Variants in PPFIBP2 observed in about 807,000 individuals in gnomAD.
PPFIBP2 encodes the protein liprin-beta-2.
PPFIBP2 carries 118 observed loss-of-function variants against 118.3 expected under a neutral mutation model. That is an observed-to-expected ratio of 1.00 (90% confidence interval 0.86 to 1.16). The LOEUF is 1.16. Ranked by LOEUF, PPFIBP2 falls within the 50% of genes most tolerant of loss-of-function variation. The pLI, the probability that PPFIBP2 is intolerant of heterozygous loss-of-function variation, is 0.00. For synonymous variants in PPFIBP2, 414 were observed against 397.4 expected (o/e 1.04, Z -0.50); for missense variants, 1,195 against 1,073.1 (o/e 1.11, Z -1.59).
chr11:7,586,695 C>T (rs990149573), intron 3 of PPFIBP2, among the ~76,000 whole-genome samples: 7 of 152,178 alleles, frequency 4.6e-5, no homozygotes, highest in African/African-American at 1.4e-4. Flanking sequence ...CCTCTTTCTG[C>T]AGAGAAGGTG....
chr11:7,589,489 A>G (rs1242033826), intron 3 of PPFIBP2, among the ~76,000 whole-genome samples: 2 of 151,944 alleles, frequency 1.3e-5, no homozygotes, highest in Non-Finnish European at 2.9e-5. Context: ...GCTACTCAAG[A>G]GGCTGAGGCA....
chr11:7,565,614 C>T lies in PPFIBP2; in HGVS notation c.126C>T (p.Ala42=), dbSNP rs775429140. 6.6e-5 allele frequency: 106 copies of T among 1,614,108 alleles called. 1 individual carries two copies. In the East Asian group the frequency reaches 2.3e-3, roughly 36 times the overall value. The change falls in exon 3 of 24, where the codon GCC becomes GCT. Residue 42 remains alanine, a synonymous_variant. Transcript: ENST00000299492. ...GTCEPGLASP[A]SYMNPFPVLH... is the part of the protein sequence containing the mutation. ...GTGAGCCTGGACTGGCTTCCCCGGC[C>T]TCCTACATGAACCCCTTCCCGGTGC... is the stretch of plus-strand genomic sequence containing the variant.
intron 2 of PPFIBP2, among the ~76,000 whole-genome samples, chr11:7,549,833 T>C (rs1852766132): frequency 6.6e-6 from 1 of 152,176 alleles, no homozygotes; most frequent in African/African-American, 2.4e-5. Flanking sequence ...TCAGTGAGAC[T>C]GATTCTAATG....
In PPFIBP2 at chr11:7,646,691, C is replaced by T. The variant is rs1051719738; in HGVS notation, c.1647-1696C>T. Among the ~76,000 whole-genome samples, 3 of 152,184 alleles carry T rather than the reference C, an allele frequency of 2.0e-5. No homozygotes were observed. The South Asian group carries it at 6.2e-4, about 32-fold the overall frequency. The stretch of plus-strand genomic sequence containing the variant: ...AATAAGCTGTAATTACATCACTACA[C>T]TCCAGCCTGGGCAGCAAAGCCAGAC... On this transcript the variant is annotated intron_variant, in intron 17 of 23. Transcript: ENST00000299492.
At chr11:7,576,961 G>A (rs144965729) in intron 3 of PPFIBP2, 1 of 152,584 alleles carries the variant, frequency 6.6e-6, no homozygotes, top group Non-Finnish European at 1.5e-5. Context: ...GTGGGAACCA[G>A]TGAGCTCCTC....
At chr11:7,654,676 C>T (rs2136063862), downstream of PPFIBP2, among the ~76,000 whole-genome samples, 1 of 152,354 alleles carries the variant, frequency 6.6e-6, no homozygotes. Context: ...CAGGCTGATG[C>T]CTGGCCACTG....
chr11:7,549,531 TCA>T lies in PPFIBP2; in HGVS notation c.57_58del (p.Ile20CysfsTer4). On this transcript the variant is annotated frameshift_variant, in exon 2 of 24. Transcript: ENST00000299492. LOFTEE classifies it high-confidence loss of function. ...GCTGCCCTGGAGCAAATGGACGGGA[TCA>T]TTGCAGGTACGCCCAGGGAACCCCA... is the stretch of plus-strand genomic sequence containing the variant. The T allele has an allele frequency of 6.4e-7, 1 of 1,563,036 alleles. No homozygotes were observed. Among genetic ancestry groups the T allele is most frequent in the Non-Finnish European group, 8.7e-7 (1 of 1,153,608 alleles).
At chr11:7,539,720 A>T (rs749147649) in intron 1 of PPFIBP2, among the ~76,000 whole-genome samples, 17 of 152,220 alleles carry the variant, frequency 1.1e-4, no homozygotes, top group South Asian at 6.2e-4. Flanking sequence ...TGGGGGATGG[A>T]TGGGAGAGGA....
intron 1 of PPFIBP2, among the ~76,000 whole-genome samples, chr11:7,547,631 T>C (rs1370968120): frequency 6.6e-6 from 1 of 152,174 alleles, no homozygotes; most frequent in Non-Finnish European, 1.5e-5. Flanking sequence ...ATTCGCTCTG[T>C]AGCGGCCTGG....
downstream of PPFIBP2, chr11:7,657,219 G>T (rs944235426): frequency 3.1e-4 from 54 of 176,266 alleles, no homozygotes; most frequent in African/African-American, 1.2e-3. Flanking sequence ...GTTCTGTAGA[G>T]ACTGTGTTTT....
rs990026169 is a variant in PPFIBP2, at chr11:7,616,682, C to T, written c.619-4253C>T. Among the ~76,000 whole-genome samples, 3 of 152,002 alleles carry T rather than the reference C, an allele frequency of 2.0e-5. No individual in the cohort carries two copies. The highest frequency in any genetic ancestry group is 4.4e-5 in the Non-Finnish European group (3 of 68,012). Reference sequence around the variant, plus strand: ...ATAAGTGTGATGTGTGCCATATGTCCCCTGTGCATAGGTGCTGACACGTTG... The same window carrying T: ...ATAAGTGTGATGTGTGCCATATGTCTCCTGTGCATAGGTGCTGACACGTTG... On this transcript the variant is annotated intron_variant, in intron 6 of 23. Coordinates refer to ENST00000299492, the MANE Select transcript of PPFIBP2 (RefSeq NM_003621.5). The surrounding 1 kb of genome is among the most constrained non-coding windows in gnomAD (Gnocchi z 5.2).
chr11:7,633,057 C>G (rs1329402003), intron 12 of PPFIBP2, 123 bp downstream of exon 12: 3 of 848,728 alleles, frequency 3.5e-6, no homozygotes, highest in Non-Finnish European at 5.7e-6. Flanking sequence ...GCACCTGCCC[C>G]TCTGTTGTTA....
chr11:7,572,387 C>A (rs989445735), intron 3 of PPFIBP2, among the ~76,000 whole-genome samples: 1 of 152,178 alleles, frequency 6.6e-6, no homozygotes, highest in Non-Finnish European at 1.5e-5. Context: ...CCCTGCCCCC[C>A]AAAGTAAATT....
At chr11:7,545,662 C>A (rs1290252643) in intron 1 of PPFIBP2, among the ~76,000 whole-genome samples, 5 of 149,750 alleles carry the variant, frequency 3.3e-5, no homozygotes, top group Non-Finnish European at 7.4e-5. Context: ...TGGAGCGTGT[C>A]CTCCAAGGAT....
rs200381140 is a variant in PPFIBP2, at chr11:7,597,680, G to C, written c.486+7G>C. 6 of 1,611,768 alleles carry C rather than the reference G, an allele frequency of 3.7e-6. No individual in the cohort carries two copies. The highest frequency in any genetic ancestry group is 1.3e-5 in the African/African-American group (1 of 75,014). On this transcript the variant is annotated splice_region_variant and intron_variant, in intron 5 of 23. Coordinates refer to ENST00000299492, the MANE Select transcript of PPFIBP2 (RefSeq NM_003621.5). ...TGAAGAGATGCTTCAACAGGTAAGG[G>C]CGGGTGCACTGAAGGCCCTTGGGTG...
At chr11:7,599,936 G>A (rs188613216) in intron 5 of PPFIBP2, among the ~76,000 whole-genome samples, 24 of 151,632 alleles carry the variant, frequency 1.6e-4, no homozygotes, top group Non-Finnish European at 1.5e-4. Context: ...GAGCCACTGC[G>A]CCCGGCCTCA....
intron 1 of PPFIBP2, among the ~76,000 whole-genome samples, chr11:7,540,234 T>A (rs577616174): frequency 7.0e-6 from 1 of 143,768 alleles, no homozygotes; most frequent in East Asian, 2.0e-4. Flanking sequence ...GGCAGCAGTG[T>A]GGAGGATGAG....
chr11:7,545,471 CATA>C (rs1288386949), intron 1 of PPFIBP2, among the ~76,000 whole-genome samples: 4 of 152,162 alleles, frequency 2.6e-5, no homozygotes, highest in Non-Finnish European at 2.9e-5. Flanking sequence ...ATCACATTCA[CATA>C]ATGTTTTTAC....
chr11:7,592,448 A>G (rs553992032), intron 3 of PPFIBP2, among the ~76,000 whole-genome samples: 2 of 151,420 alleles, frequency 1.3e-5, no homozygotes, highest in African/African-American at 4.8e-5. Flanking sequence ...CCCTCTGGCT[A>G]TTATTTAAGT....
Sources: allele counts gnomAD v4.1 joint callset (sites outside exome capture counted in the v4.1 genomes callset), GRCh38; gene constraint gnomAD v4.1.1; non-coding constraint Gnocchi (gnomAD v3.1); transcripts MANE v1.5; gene names NCBI Gene and HGNC (gene_info 2026-07-23, HGNC 2026-07-21).